Variants in PTGER3 observed in about 807,000 individuals in gnomAD.
PTGER3 encodes prostaglandin E receptor 3, also known as prostaglandin E2 receptor EP3 subtype.
A neutral mutation model predicts 34.7 loss-of-function variants in PTGER3; 22 were observed. That is an observed-to-expected ratio of 0.63 (90% CI 0.45 to 0.91). PTGER3 has a LOEUF of 0.91. Among genes scored for constraint, PTGER3 ranks in the 40% least tolerant of loss-of-function variants. The pLI is 0.00. For missense variants in PTGER3, 468 were observed against 519.4 expected (o/e 0.90, Z 0.96); for synonymous variants, 241 against 230.1 (o/e 1.05, Z -0.43).
At chr1:70,879,106 TC>T (rs1646332027) in intron 4 of PTGER3, among the ~76,000 whole-genome samples, 1 of 152,328 alleles carries the variant, frequency 6.6e-6, no homozygotes, top group Non-Finnish European at 1.5e-5. Flanking sequence ...GTTATCTAAA[TC>T]TCTTCATAGG....
intron 1 of PTGER3, among the ~76,000 whole-genome samples, chr1:71,015,230 C>A (rs999092460): frequency 1.3e-5 from 2 of 152,008 alleles, no homozygotes; most frequent in African/African-American, 4.8e-5. Flanking sequence ...TGTGATATAA[C>A]CACATATTTG....
chr1:71,023,403 A>G (rs1487392845), intron 1 of PTGER3, among the ~76,000 whole-genome samples: 1 of 151,802 alleles, frequency 6.6e-6, no homozygotes, highest in Non-Finnish European at 1.5e-5. Flanking sequence ...CGCTGTCTCA[A>G]AATATGTTAG....
Position 70,863,692 on chromosome 1 carries a change from A to ATT in PTGER3, c.*24-10835_*24-10834dup, listed in dbSNP as rs11378106. Among the ~76,000 whole-genome samples, 126 of 148,558 alleles carry ATT rather than the reference A, an allele frequency of 8.5e-4. 1 individual carries two copies. The highest frequency in any genetic ancestry group is 1.9e-3 in the African/African-American group (77 of 40,554). ...AGCACATCACATATATAGCAAATGGATTTTTTTTTTTTGTGAAACAAGCAT... is the reference window on the plus strand; with the variant it reads ...AGCACATCACATATATAGCAAATGGATTTTTTTTTTTTTTGTGAAACAAGCAT... On this transcript the variant is annotated intron_variant, in intron 4 of 4. Transcript: ENST00000370931.
rs771526372 is a variant in PTGER3 at position 71,047,227 on chromosome 1, C to T, written c.351G>A (p.Lys117=). Residue 117 remains lysine, a synonymous_variant, in exon 1 of 4, where the codon AAG becomes AAA. Coordinates refer to ENST00000306666, the MANE Select transcript of PTGER3 (RefSeq NM_198719.2). ...ACGGGTCGATGTGCTCCCAACGCTGCTTGGACAGGTACACGACGATGACGA... is the reference window on the plus strand; with the variant it reads ...ACGGGTCGATGTGCTCCCAACGCTGTTTGGACAGGTACACGACGATGACGA... The part of the protein sequence containing the change: ...TPVVIVVYLS[K]QRWEHIDPSG... 3.1e-6 allele frequency: 5 copies of T among 1,597,198 alleles called. No homozygotes were observed. The highest frequency in any genetic ancestry group is 2.3e-5 in the South Asian group (2 of 88,810).
intron 4 of PTGER3, among the ~76,000 whole-genome samples, chr1:70,905,366 A>G (rs2100358599): frequency 6.6e-6 from 1 of 152,148 alleles, no homozygotes; most frequent in South Asian, 2.1e-4. Context: ...ACCCCAGAAA[A>G]ATAACTCCAC....
intron 4 of PTGER3, among the ~76,000 whole-genome samples, chr1:70,857,254 G>GA (rs551661156): frequency 6.6e-6 from 1 of 152,062 alleles, no homozygotes; most frequent in Admixed American, 6.5e-5. Flanking sequence ...TCATTAATCT[G>GA]AAAATGCATT....
chr1:70,893,553 G>A (rs183806420), intron 4 of PTGER3, among the ~76,000 whole-genome samples: 27 of 152,306 alleles, frequency 1.8e-4, no homozygotes, highest in Admixed American at 1.4e-3. Context: ...GGTGACAAGA[G>A]CACAGACAAA....
chr1:70,917,931 T>C (rs915652728), intron 4 of PTGER3, among the ~76,000 whole-genome samples: 3 of 152,102 alleles, frequency 2.0e-5, no homozygotes, highest in Non-Finnish European at 4.4e-5. Flanking sequence ...TTTGAGTTCC[T>C]TATATAATCT....
intron 4 of PTGER3, among the ~76,000 whole-genome samples, chr1:70,930,945 C>A (rs1157786014): frequency 2.0e-5 from 3 of 152,158 alleles, no homozygotes; most frequent in Admixed American, 6.5e-5. Flanking sequence ...TCAGCATTAA[C>A]CCAAAAGTCC....
exon 5 of PTGER3, chr1:70,852,664 A>T: frequency 1.3e-6 from 1 of 755,364 alleles, no homozygotes; most frequent in Non-Finnish European, 2.3e-6. Flanking sequence ...GTACAAAAAC[A>T]TGTATGGAAA....
chr1:70,905,241 T>C (rs1646919947), intron 4 of PTGER3, among the ~76,000 whole-genome samples: 1 of 151,930 alleles, frequency 6.6e-6, no homozygotes, highest in African/African-American at 2.4e-5. Flanking sequence ...GGGTGGGGCA[T>C]TCATGGACAA....
rs1340036484 is a variant in PTGER3 at position 70,917,403 on chromosome 1, T to TTTTGTGTGTGTGTGTG, written c.*23+36359_*23+36360insCACACACACACACAAA. 3.7e-5 allele frequency among the ~76,000 whole-genome samples: 5 copies of TTTTGTGTGTGTGTGTG among 136,278 alleles called. No individual in the cohort carries two copies. The Admixed American group carries it at 3.8e-4, about 10-fold the overall frequency. 89.4% of individuals were successfully genotyped at this position (136,278 alleles called of 152,430 possible). A position where few individuals can be genotyped will look rare whatever the true frequency, so the allele number is the denominator to read the frequency against. On this transcript the variant is annotated intron_variant, in intron 4 of 4. Coordinates refer to the PTGER3 transcript ENST00000370931. ...TTTTATGGCTAAATAGTATTTTATTTTGTGTGTGTGTGTGTGTGTGTGTGT... is the reference window on the plus strand; with the variant it reads ...TTTTATGGCTAAATAGTATTTTATTTTTTGTGTGTGTGTGTGTGTGTGTGTGTGTGTGTGTGTGTGT...
chr1:70,962,502 A>G (rs764013431), intron 2 of PTGER3, among the ~76,000 whole-genome samples: 4 of 152,196 alleles, frequency 2.6e-5, no homozygotes, highest in Non-Finnish European at 5.9e-5. Context: ...AAGACGTTCA[A>G]TTGACTCACA....
chr1:70,992,410 A>C (rs907755728), intron 2 of PTGER3, among the ~76,000 whole-genome samples: 3 of 152,226 alleles, frequency 2.0e-5, no homozygotes, highest in African/African-American at 7.2e-5. Context: ...AAAGCCTGAT[A>C]TACACAACAG....
intron 4 of PTGER3, among the ~76,000 whole-genome samples, chr1:70,878,490 G>C (rs975215739): frequency 2.6e-5 from 4 of 151,728 alleles, no homozygotes; most frequent in Non-Finnish European, 4.4e-5. Flanking sequence ...TCTAATTTTG[G>C]TTATTTCTTG....
intron 4 of PTGER3, among the ~76,000 whole-genome samples, chr1:70,919,656 C>A (rs1055659476): frequency 6.6e-6 from 1 of 151,986 alleles, no homozygotes; most frequent in African/African-American, 2.4e-5. Flanking sequence ...CTGCTTCTCC[C>A]GAAGAAAAAT....
At chr1:70,921,957 T>A (rs960412769) in intron 4 of PTGER3, among the ~76,000 whole-genome samples, 14 of 152,222 alleles carry the variant, frequency 9.2e-5, no homozygotes, top group African/African-American at 3.4e-4. Context: ...TTTTAGTTCA[T>A]GTGACTTAAG....
At chr1:71,013,520 T>C (rs541425001) in intron 1 of PTGER3, among the ~76,000 whole-genome samples, 3 of 152,100 alleles carry the variant, frequency 2.0e-5, no homozygotes, top group Admixed American at 6.5e-5. Context: ...CTGACCAACA[T>C]AGAGAAACCC....
At chr1:70,880,101 T>C (rs1225759503) in intron 4 of PTGER3, among the ~76,000 whole-genome samples, 1 of 151,648 alleles carries the variant, frequency 6.6e-6, no homozygotes, top group Non-Finnish European at 1.5e-5. Flanking sequence ...AAAAAAAAAA[T>C]TGATATGTGT....
Sources: gnomAD v4.1 joint callset for allele counts (sites outside exome capture counted in the v4.1 genomes callset) on GRCh38, gnomAD v4.1.1 for gene constraint, MANE v1.5 for transcripts, NCBI Gene and HGNC (gene_info 2026-07-23, HGNC 2026-07-21) for gene names.